Variants in PCDH9 observed in about 807,000 individuals in gnomAD.
The protein encoded by PCDH9 is protocadherin-9.
A neutral mutation model predicts 70.6 loss-of-function variants in PCDH9; 24 were observed. That is an observed-to-expected ratio of 0.34 (90% CI 0.25 to 0.48). The LOEUF is 0.48. Ranked by LOEUF, PCDH9 falls within the 20% of genes least tolerant of loss-of-function variation. The pLI is 0.99. For synonymous variants in PCDH9, 562 were observed against 558.5 expected, an observed-to-expected ratio of 1.01 and a Z score of -0.09; for missense variants, 1,281 against 1,503.6, an observed-to-expected ratio of 0.85 and a Z score of 2.45.
At chr13:66,538,412 C>G (rs954170646) in intron 4 of PCDH9, among the ~76,000 whole-genome samples, 1 of 152,088 alleles carries the variant, frequency 6.6e-6, no homozygotes, top group Non-Finnish European at 1.5e-5. Flanking sequence ...TTACATTTCC[C>G]GATTCTTCAA....
rs185830552 is a variant in PCDH9, at chr13:66,573,222, G to C, written c.3340+57988C>G. On this transcript the variant is annotated intron_variant, in intron 4 of 4. Transcript: ENST00000377865. ...TTTTTCATATACTTTTTGGCTATTT[G>C]TATGTCTCTTTTTGAGAAATGTCTA... is the stretch of plus-strand genomic sequence containing the variant. 4.5e-3 allele frequency among the ~76,000 whole-genome samples: 635 copies of C among 139,570 alleles called. 2 individuals carry two copies. Among genetic ancestry groups the C allele is most frequent in the African/African-American group, 0.016 (607 of 38,126 alleles). The allele number at this position is 139,570 out of a possible 152,430, so 91.6% of individuals were successfully genotyped here.
intron 4 of PCDH9, among the ~76,000 whole-genome samples, chr13:66,387,164 A>G (rs2138258256): frequency 6.6e-6 from 1 of 152,270 alleles, no homozygotes; most frequent in Non-Finnish European, 1.5e-5. Context: ...CTTCTTAATT[A>G]TTGTTCCTCT....
chr13:67,210,170 C>T (rs1173147130), intron 2 of PCDH9: 1 of 151,956 alleles, frequency 6.6e-6, no homozygotes, highest in East Asian at 1.9e-4. Flanking sequence ...AATATGGCAG[C>T]TACATAATGA....
intron 2 of PCDH9, among the ~76,000 whole-genome samples, chr13:66,948,287 T>C (rs916189557): frequency 6.6e-6 from 1 of 152,088 alleles, no homozygotes; most frequent in African/African-American, 2.4e-5. Flanking sequence ...GTATAGTTTC[T>C]AGAATAGAGT....
intron 3 of PCDH9, among the ~76,000 whole-genome samples, chr13:66,825,430 G>T (rs1290051922): frequency 7.5e-6 from 1 of 133,134 alleles, no homozygotes; most frequent in African/African-American, 2.8e-5. Context: ...TCCGCCTCCC[G>T]GGTTCACGCC....
intron 3 of PCDH9, among the ~76,000 whole-genome samples, chr13:66,666,269 A>G (rs896870832): frequency 6.6e-6 from 1 of 152,140 alleles, no homozygotes; most frequent in African/African-American, 2.4e-5. Flanking sequence ...GACTAGGTGG[A>G]GGCCCTGGGA....
intron 4 of PCDH9, among the ~76,000 whole-genome samples, chr13:66,562,065 C>T (rs1456383713): frequency 1.3e-5 from 2 of 152,068 alleles, no homozygotes; most frequent in Non-Finnish European, 2.9e-5. Context: ...TCAGAAGGAA[C>T]AAACTCCAGA....
At chr13:66,993,868 T>C (rs927949623) in intron 2 of PCDH9, among the ~76,000 whole-genome samples, 2 of 152,194 alleles carry the variant, frequency 1.3e-5, no homozygotes, top group Non-Finnish European at 2.9e-5. Context: ...GCTGATTGAT[T>C]GATCGATTGA....
At chr13:66,379,427 G>C (rs904985109) in intron 4 of PCDH9, among the ~76,000 whole-genome samples, 3 of 152,306 alleles carry the variant, frequency 2.0e-5, no homozygotes, top group South Asian at 4.1e-4. Flanking sequence ...ATAAATTAGT[G>C]TCACGTCACT....
At chr13:66,380,779 G>A (rs1956834719) in intron 4 of PCDH9, among the ~76,000 whole-genome samples, 1 of 152,110 alleles carries the variant, frequency 6.6e-6, no homozygotes, top group African/African-American at 2.4e-5. Context: ...TCCTGACCTC[G>A]TGATCCACCC....
intron 4 of PCDH9, among the ~76,000 whole-genome samples, chr13:66,543,306 C>T (rs183240827): frequency 6.6e-6 from 1 of 152,222 alleles, no homozygotes; most frequent in African/African-American, 2.4e-5. Context: ...CACAGTGGCT[C>T]ACGCCTGTAA....
At chr13:66,713,600 A>G (rs2139134711) in intron 3 of PCDH9, among the ~76,000 whole-genome samples, 1 of 122,674 alleles carries the variant, frequency 8.2e-6, no homozygotes, top group African/African-American at 3.0e-5. Flanking sequence ...GTGTTTGTGT[A>G]TATATATATA....
At chr13:66,551,685 G>A (rs551313862) in intron 4 of PCDH9, among the ~76,000 whole-genome samples, 7 of 152,148 alleles carry the variant, frequency 4.6e-5, no homozygotes, top group African/African-American at 1.7e-4. Context: ...TTACCAAATT[G>A]AATTTACCAA....
chr13:66,631,099 C>G, intron 4 of PCDH9, 111 bp downstream of exon 4: 1 of 656,260 alleles, frequency 1.5e-6, no homozygotes. Flanking sequence ...ATAAAGCCAG[C>G]AAAAAAATAA....
chr13:67,081,834 C>T (rs916263572), intron 2 of PCDH9, among the ~76,000 whole-genome samples: 1 of 152,064 alleles, frequency 6.6e-6, no homozygotes, highest in Non-Finnish European at 1.5e-5. Flanking sequence ...GACTGACTGG[C>T]AAAAATCAGG....
intron 2 of PCDH9, among the ~76,000 whole-genome samples, chr13:67,152,226 C>T (rs1229134288): frequency 6.6e-6 from 1 of 152,190 alleles, no homozygotes; most frequent in Non-Finnish European, 1.5e-5. Context: ...AAACGGAACT[C>T]TGCCAGGCAG....
At chr13:66,866,172 TG>T (rs2139492995) in intron 3 of PCDH9, among the ~76,000 whole-genome samples, 1 of 152,294 alleles carries the variant, frequency 6.6e-6, no homozygotes, top group African/African-American at 2.4e-5. Flanking sequence ...CAATAAATGA[TG>T]TTGGAGACAA....
intron 4 of PCDH9, among the ~76,000 whole-genome samples, chr13:66,424,357 A>T (rs368168029): frequency 7.9e-5 from 12 of 151,954 alleles, no homozygotes; most frequent in African/African-American, 2.9e-4. Context: ...AAAACTTTCA[A>T]ATTGAGCAAG....
intron 4 of PCDH9, among the ~76,000 whole-genome samples, chr13:66,561,548 C>T (rs558763452): frequency 2.6e-5 from 4 of 152,280 alleles, no homozygotes; most frequent in East Asian, 3.9e-4. Context: ...ATACATCAAT[C>T]GGCACTCTGT....
Sources: gnomAD v4.1 joint callset for allele counts (sites outside exome capture counted in the v4.1 genomes callset) on GRCh38, gnomAD v4.1.1 for gene constraint, MANE v1.5 for transcripts, NCBI Gene and HGNC (gene_info 2026-07-23, HGNC 2026-07-21) for gene names.